SPAG16: variants seen among roughly 807,000 people sequenced by gnomAD.
SPAG16 encodes the protein sperm-associated antigen 16 protein.
Under a neutral mutation model 80.4 loss-of-function variants are expected in SPAG16, and 86 were observed. The ratio of observed to expected loss-of-function variants is 1.07; its 90% CI spans 0.90 to 1.28. SPAG16 has a LOEUF of 1.28. Among genes scored for constraint, SPAG16 ranks in the 50% most tolerant of loss-of-function variants. The pLI is 0.00. For missense variants in SPAG16, 870 were observed against 765.3 expected (o/e 1.14, Z -1.61); for synonymous variants, 294 against 265.9 (o/e 1.11, Z -1.03).
intron 10 of SPAG16, among the ~76,000 whole-genome samples, chr2:213,691,316 A>AG (rs1242391282): frequency 6.6e-6 from 1 of 152,180 alleles, no homozygotes; most frequent in African/African-American, 2.4e-5. Flanking sequence ...AGGCAGTCAG[A>AG]GGACAACTTG....
At chr2:213,623,196 A>C (rs2061845616) in intron 10 of SPAG16, among the ~76,000 whole-genome samples, 1 of 152,148 alleles carries the variant, frequency 6.6e-6, no homozygotes, top group Admixed American at 6.6e-5. Context: ...GCTCATGTAA[A>C]ATCACTTTTT....
intron 15 of SPAG16, among the ~76,000 whole-genome samples, chr2:214,244,380 T>C (rs1412282509): frequency 1.4e-5 from 2 of 145,406 alleles, no homozygotes; most frequent in African/African-American, 5.2e-5. Context: ...TCTTCAATGA[T>C]AAGCTGAAGT....
At chr2:213,646,474 A>C (rs925730578) in intron 10 of SPAG16, among the ~76,000 whole-genome samples, 1 of 152,242 alleles carries the variant, frequency 6.6e-6, no homozygotes, top group Non-Finnish European at 1.5e-5. Flanking sequence ...AGCACTTTAC[A>C]GAACAGGAAT....
At chr2:214,043,807 A>G (rs976467456) in intron 13 of SPAG16, among the ~76,000 whole-genome samples, 1 of 152,154 alleles carries the variant, frequency 6.6e-6, no homozygotes, top group African/African-American at 2.4e-5. Context: ...TTAGAAAATA[A>G]TGTCAATAGT....
chr2:213,413,692 G>A (rs2069108956), intron 9 of SPAG16, among the ~76,000 whole-genome samples: 1 of 152,152 alleles, frequency 6.6e-6, no homozygotes, highest in African/African-American at 2.4e-5. Context: ...AAATTGTTAA[G>A]TTGGTAGTGA....
intron 13 of SPAG16, among the ~76,000 whole-genome samples, chr2:214,031,355 G>A (rs1222514539): frequency 2.8e-5 from 4 of 141,700 alleles, no homozygotes; most frequent in African/African-American, 7.9e-5. Flanking sequence ...ACCAAACACC[G>A]CATGTTCTCA....
intron 12 of SPAG16, among the ~76,000 whole-genome samples, chr2:213,956,380 TA>T (rs983553319): frequency 1.3e-5 from 2 of 152,054 alleles, no homozygotes; most frequent in African/African-American, 4.8e-5. Context: ...AGTTTGTTCT[TA>T]TAGTTCCTTA....
intron 3 of SPAG16, chr2:213,302,647 G>GTATGTGTA (rs34440269): frequency 6.7e-6 from 1 of 148,426 alleles, no homozygotes; most frequent in South Asian, 2.1e-4. Context: ...GTGTGTGTGT[G>GTATGTGTA]TGTGTGTGTG....
intron 13 of SPAG16, among the ~76,000 whole-genome samples, chr2:214,016,560 A>G (rs1274288026): frequency 4.6e-5 from 7 of 152,226 alleles, no homozygotes; most frequent in Non-Finnish European, 1.0e-4. Flanking sequence ...GGCTGTGAAG[A>G]TGAATAGGAG....
intron 10 of SPAG16, among the ~76,000 whole-genome samples, chr2:213,771,386 C>A (rs2069239152): frequency 6.6e-6 from 1 of 152,124 alleles, no homozygotes; most frequent in Non-Finnish European, 1.5e-5. Context: ...CAAAAACTTT[C>A]TCCTATTCTG....
chr2:213,706,120 T>C (rs2065742157), intron 10 of SPAG16, among the ~76,000 whole-genome samples: 1 of 152,216 alleles, frequency 6.6e-6, no homozygotes, highest in Non-Finnish European at 1.5e-5. Flanking sequence ...AGTGTGGTTA[T>C]TGTGCACAAC....
chr2:213,897,228 A>G (rs371213215), intron 11 of SPAG16, among the ~76,000 whole-genome samples: 1 of 152,182 alleles, frequency 6.6e-6, no homozygotes, highest in African/African-American at 2.4e-5. Flanking sequence ...TAATACCATC[A>G]TGTATAATTT....
chr2:214,283,068 G>T (rs943144889), intron 15 of SPAG16, among the ~76,000 whole-genome samples: 2 of 151,992 alleles, frequency 1.3e-5, no homozygotes, highest in African/African-American at 4.8e-5. Context: ...ATATATGTAA[G>T]AAAAGATGCA....
intron 10 of SPAG16, among the ~76,000 whole-genome samples, chr2:213,570,842 A>C (rs1403761644): frequency 5.4e-5 from 2 of 36,806 alleles, no homozygotes; most frequent in East Asian, 8.6e-4. Context: ...TGGGGTGTTA[A>C]AGTCTCCCAT....
At chr2:214,261,048 A>G (rs1691119123) in intron 15 of SPAG16, among the ~76,000 whole-genome samples, 1 of 131,338 alleles carries the variant, frequency 7.6e-6, no homozygotes, top group African/African-American at 2.9e-5. Flanking sequence ...CAGAGGTTGC[A>G]GTGAGCCGAG....
At chr2:213,704,269 C>A (rs1488601944) in intron 10 of SPAG16, among the ~76,000 whole-genome samples, 1 of 152,158 alleles carries the variant, frequency 6.6e-6, no homozygotes, top group African/African-American at 2.4e-5. Context: ...AAGTAATTTT[C>A]TCACAGAGTT....
chr2:213,774,534 T>A (rs2069451203), intron 10 of SPAG16, among the ~76,000 whole-genome samples: 1 of 152,220 alleles, frequency 6.6e-6, no homozygotes. Context: ...CAATTTTATA[T>A]GCAATGGTGT....
chr2:214,306,455 A>G (rs575095287), intron 15 of SPAG16, among the ~76,000 whole-genome samples: 67 of 152,214 alleles, frequency 4.4e-4, no homozygotes, highest in African/African-American at 1.4e-3. Flanking sequence ...TATTGTGCCA[A>G]TTTTCAAAAG....
chr2:214,167,193 C>T (rs181418231), intron 15 of SPAG16, among the ~76,000 whole-genome samples: 171 of 152,188 alleles, frequency 1.1e-3, no homozygotes, highest in Non-Finnish European at 2.1e-3. Flanking sequence ...CGGCTCTGTC[C>T]CTCCTTCCTC....
Sources: gnomAD v4.1 joint callset for allele counts (sites outside exome capture counted in the v4.1 genomes callset) on GRCh38, gnomAD v4.1.1 for gene constraint, MANE v1.5 for transcripts, NCBI Gene and HGNC (gene_info 2026-07-23, HGNC 2026-07-21) for gene names.